GLRX3: variants seen among roughly 807,000 people sequenced by gnomAD.
GLRX3 encodes glutaredoxin 3.
Under a neutral mutation model 49.5 loss-of-function variants are expected in GLRX3, and 22 were observed. That is an observed-to-expected ratio of 0.44 (90% confidence interval 0.32 to 0.63). The LOEUF (loss-of-function observed/expected upper bound fraction) is 0.63. GLRX3 is among the 30% of genes least tolerant of loss of function. GLRX3 has a pLI of 0.05. For missense variants in GLRX3, 385 were observed against 396.3 expected (o/e 0.97, Z 0.24); for synonymous variants, 133 against 140.0 (o/e 0.95, Z 0.35).
intron 2 of GLRX3, among the ~76,000 whole-genome samples, chr10:130,153,649 T>C (rs1862422148): frequency 6.6e-6 from 1 of 152,200 alleles, no homozygotes; most frequent in Admixed American, 6.5e-5. Context: ...CAAATATTGC[T>C]GCCTGATCCT....
intron 4 of GLRX3, among the ~76,000 whole-genome samples, chr10:130,163,194 G>T (rs1006688931): frequency 1.3e-5 from 2 of 152,206 alleles, no homozygotes; most frequent in Non-Finnish European, 2.9e-5. Context: ...GGAGGCTGAG[G>T]TGGGCGGATC....
At chr10:130,142,379 T>C (rs1358195852) in intron 1 of GLRX3, among the ~76,000 whole-genome samples, 2 of 152,184 alleles carry the variant, frequency 1.3e-5, no homozygotes, top group Non-Finnish European at 2.9e-5. Context: ...CTTAATTCCT[T>C]GGCTCCTGAC....
rs1004400368 is a variant in GLRX3, at chr10:130,165,419, A to G, written c.479-1088A>G. Among the ~76,000 whole-genome samples the G allele has an allele frequency of 5.9e-5, 9 of 152,340 alleles. No individual in the cohort carries two copies. The East Asian group carries it at 1.7e-3, about 29-fold the overall frequency. On this transcript the variant is annotated intron_variant, in intron 4 of 10. Transcript: ENST00000331244. ...CATAATAAGATGATGTCAAAAAAGT[A>G]CAGAATAAAAATGTGTCACAAAAGT...
chr10:130,175,167 A>G, intron 10 of GLRX3, 78 bp downstream of exon 10: 2 of 836,906 alleles, frequency 2.4e-6, no homozygotes, highest in South Asian at 2.8e-5. Flanking sequence ...ATTGAATGGA[A>G]ACTTGAGAGT....
At chr10:130,159,046 A>G (rs544616339) in intron 2 of GLRX3, among the ~76,000 whole-genome samples, 7 of 152,228 alleles carry the variant, frequency 4.6e-5, no homozygotes, top group Non-Finnish European at 7.3e-5. Context: ...TTTCAAGCCC[A>G]GTGGAAATCT....
At chr10:130,171,218 A>G (rs1004271969) in intron 7 of GLRX3, among the ~76,000 whole-genome samples, 1 of 152,192 alleles carries the variant, frequency 6.6e-6, no homozygotes, top group Non-Finnish European at 1.5e-5. Flanking sequence ...AATCATTGCA[A>G]AAAGGCTAAG....
At chr10:130,148,426 C>G (rs948011535) in intron 2 of GLRX3, among the ~76,000 whole-genome samples, 5 of 132,972 alleles carry the variant, frequency 3.8e-5, no homozygotes, top group Non-Finnish European at 4.7e-5. Flanking sequence ...CCACTTTGCC[C>G]TTCAGTCTTT....
At chr10:130,148,386 C>G (rs1414431161) in intron 2 of GLRX3, among the ~76,000 whole-genome samples, 3 of 148,706 alleles carry the variant, frequency 2.0e-5, no homozygotes, top group Non-Finnish European at 4.4e-5. Flanking sequence ...CTACCTTGGC[C>G]TCCCAAAGTG....
chr10:130,146,483 T>C (rs1210051050), intron 2 of GLRX3, among the ~76,000 whole-genome samples: 1 of 152,200 alleles, frequency 6.6e-6, no homozygotes. Context: ...TCCTGCTGTC[T>C]CTCTTGAGTG....
intron 6 of GLRX3, among the ~76,000 whole-genome samples, chr10:130,168,453 A>AT (rs1335981443): frequency 7.3e-5 from 11 of 151,384 alleles, no homozygotes; most frequent in African/African-American, 2.2e-4. Flanking sequence ...ATTTATTATT[A>AT]TTTTTTTTTG....
At chr10:130,177,418 C>T (rs61527229) in intron 10 of GLRX3, among the ~76,000 whole-genome samples, 5,619 of 152,238 alleles carry the variant, frequency 0.037, 193 homozygotes, top group East Asian at 0.1. Context: ...GTGAGGGTGG[C>T]GAGGACTGCC....
intron 1 of GLRX3, among the ~76,000 whole-genome samples, chr10:130,143,914 G>A (rs1456292875): frequency 2.0e-5 from 3 of 152,054 alleles, no homozygotes; most frequent in African/African-American, 7.2e-5. Context: ...AGCCAGGCTG[G>A]TCTCGAACTG....
chr10:130,156,904 A>G (rs989694044), intron 2 of GLRX3, among the ~76,000 whole-genome samples: 2 of 152,236 alleles, frequency 1.3e-5, no homozygotes, highest in Non-Finnish European at 2.9e-5. Flanking sequence ...TCTTGTATAA[A>G]TCCTACTTTG....
At chr10:130,137,246 C>T (rs1015043161) in intron 1 of GLRX3, among the ~76,000 whole-genome samples, 1 of 152,150 alleles carries the variant, frequency 6.6e-6, no homozygotes, top group Non-Finnish European at 1.5e-5. Flanking sequence ...GGGAAGACTA[C>T]AAAAGGAGAT....
chr10:130,156,551 C>T (rs764042207), intron 2 of GLRX3, among the ~76,000 whole-genome samples: 1 of 137,448 alleles, frequency 7.3e-6, no homozygotes, highest in Non-Finnish European at 1.5e-5. Flanking sequence ...TGAGTCTATA[C>T]GTGTGAGGAT....
At chr10:130,164,845 A>G (rs1321089920) in intron 4 of GLRX3, among the ~76,000 whole-genome samples, 1 of 152,256 alleles carries the variant, frequency 6.6e-6, no homozygotes, top group African/African-American at 2.4e-5. Context: ...TATATTGGCA[A>G]CAGAATAACC....
Position 130,169,497 on chromosome 10 carries a change from A to C in GLRX3, c.771+7A>C. On this transcript the variant is annotated splice_region_variant and intron_variant, in intron 7 of 10. Coordinates refer to ENST00000331244, the MANE Select transcript of GLRX3 (RefSeq NM_006541.5). Reference sequence around the variant, plus strand: ...TATGAAAGGAAACAAACAGGTAAAGAACTCAAAAATGGTTTTATTTGTAAT... The same window carrying C: ...TATGAAAGGAAACAAACAGGTAAAGCACTCAAAAATGGTTTTATTTGTAAT... The C allele has an allele frequency of 6.3e-7, 1 of 1,583,436 alleles. No homozygotes were observed. Among genetic ancestry groups the C allele is most frequent in the Non-Finnish European group, 8.7e-7 (1 of 1,151,928 alleles).
At chr10:130,137,210 C>T (rs1862074228) in intron 1 of GLRX3, among the ~76,000 whole-genome samples, 1 of 152,140 alleles carries the variant, frequency 6.6e-6, no homozygotes, top group Non-Finnish European at 1.5e-5. Context: ...TCAGATTTGG[C>T]GCCGGTGTCC....
chr10:130,158,718 C>T (rs934669836), intron 2 of GLRX3, among the ~76,000 whole-genome samples: 3 of 151,672 alleles, frequency 2.0e-5, no homozygotes, highest in African/African-American at 2.4e-5. Flanking sequence ...ATAACACAAA[C>T]GTCTTTAAAA....
Sources: gnomAD v4.1 joint callset for allele counts (sites outside exome capture counted in the v4.1 genomes callset) on GRCh38, gnomAD v4.1.1 for gene constraint, MANE v1.5 for transcripts, NCBI Gene and HGNC (gene_info 2026-07-23, HGNC 2026-07-21) for gene names.